The following CSMD1 variants were observed in gnomAD, a reference collection of about 807,000 sequenced individuals.
The protein encoded by CSMD1 is CUB and Sushi multiple domains 1.
In CSMD1, 213 loss-of-function variants were observed where a neutral mutation model predicts 417.5. The ratio of observed to expected loss-of-function variants is 0.51; its 90% CI spans 0.46 to 0.57. The LOEUF is 0.57. Ranked by LOEUF, CSMD1 falls within the 20% of genes least tolerant of loss-of-function variation. CSMD1 has a pLI of 0.00. For synonymous variants in CSMD1, 2,862 were observed against 1,736.8 expected, an observed-to-expected ratio of 1.65 and a Z score of -16.11; for missense variants, 6,923 against 4,529.7, an observed-to-expected ratio of 1.53 and a Z score of -15.17.
chr8:3,268,610 C>G (rs924294542), intron 26 of CSMD1, among the ~76,000 whole-genome samples: 1 of 152,020 alleles, frequency 6.6e-6, no homozygotes. Flanking sequence ...TAATGTTTGT[C>G]TTGGTGACTG....
intron 3 of CSMD1, among the ~76,000 whole-genome samples, chr8:4,078,957 T>C (rs1317072097): frequency 4.9e-5 from 7 of 144,114 alleles, no homozygotes; most frequent in Admixed American, 1.4e-4. Context: ...GTTGAAAAGC[T>C]ATCTTCTCTT....
At chr8:4,433,987 A>T (rs540236103) in intron 2 of CSMD1, among the ~76,000 whole-genome samples, 1 of 152,216 alleles carries the variant, frequency 6.6e-6, no homozygotes, top group African/African-American at 2.4e-5. Context: ...TTTTCTCTTC[A>T]GCCTCAAGAT....
At chr8:3,352,050 G>A (rs1342628765) in intron 21 of CSMD1, among the ~76,000 whole-genome samples, 1 of 151,858 alleles carries the variant, frequency 6.6e-6, no homozygotes, top group Non-Finnish European at 1.5e-5. Flanking sequence ...TATTTTCCAT[G>A]CTGAACATGA....
intron 26 of CSMD1, among the ~76,000 whole-genome samples, chr8:3,235,978 C>A (rs1297217991): frequency 7.5e-6 from 1 of 132,772 alleles, no homozygotes; most frequent in Non-Finnish European, 1.5e-5. Context: ...AGTGCAGTGG[C>A]ACAATCTCGG....
intron 17 of CSMD1, among the ~76,000 whole-genome samples, chr8:3,394,020 ATATATATATAT>A (rs1811525353): frequency 3.8e-5 from 2 of 52,084 alleles, no homozygotes; most frequent in East Asian, 1.0e-3. Flanking sequence ...AATTATATAT[ATATATATATAT>A]ATATATATAT....
At chr8:4,175,519 G>C (rs1797992778) in intron 3 of CSMD1, among the ~76,000 whole-genome samples, 1 of 151,454 alleles carries the variant, frequency 6.6e-6, no homozygotes, top group Non-Finnish European at 1.5e-5. Context: ...ACAACTGATA[G>C]AAGCCCAATG....
At chr8:4,798,909 A>C (rs1798128489) in intron 1 of CSMD1, among the ~76,000 whole-genome samples, 1 of 152,168 alleles carries the variant, frequency 6.6e-6, no homozygotes, top group Non-Finnish European at 1.5e-5. Context: ...CCAAAGTAAA[A>C]ATTCAGCAAC....
intron 3 of CSMD1, among the ~76,000 whole-genome samples, chr8:4,227,581 C>G (rs935789036): frequency 2.0e-5 from 3 of 152,016 alleles, no homozygotes; most frequent in Non-Finnish European, 4.4e-5. Flanking sequence ...AGAGAAGTCC[C>G]ACAGCCCCCG....
chr8:4,732,220 G>T (rs188274592), intron 1 of CSMD1, among the ~76,000 whole-genome samples: 3 of 152,234 alleles, frequency 2.0e-5, no homozygotes, highest in Admixed American at 1.3e-4. Context: ...CAGACCCCAT[G>T]GGTAGAACTC....
intron 2 of CSMD1, among the ~76,000 whole-genome samples, chr8:4,563,203 C>T (rs573098630): frequency 6.6e-6 from 1 of 152,180 alleles, no homozygotes; most frequent in South Asian, 2.1e-4. Context: ...AGATTGAGAC[C>T]ATCCTGGCTA....
At chr8:3,591,844 TTAGA>T (rs1441454885) in intron 8 of CSMD1, among the ~76,000 whole-genome samples, 10 of 151,818 alleles carry the variant, frequency 6.6e-5, no homozygotes, top group East Asian at 5.8e-4. Flanking sequence ...GGTACATAGA[TTAGA>T]TAGATAAATA....
intron 3 of CSMD1, among the ~76,000 whole-genome samples, chr8:4,091,863 C>G (rs1055125601): frequency 1.3e-5 from 2 of 152,124 alleles, no homozygotes; most frequent in Non-Finnish European, 2.9e-5. Context: ...AGAATTTTAA[C>G]AAAATTAGAC....
chr8:4,417,341 A>G (rs1797000483), intron 3 of CSMD1, among the ~76,000 whole-genome samples: 1 of 152,006 alleles, frequency 6.6e-6, no homozygotes, highest in African/African-American at 2.4e-5. Flanking sequence ...AGCCTATTCC[A>G]AAGTACTGCC....
chr8:3,962,416 A>G (rs74212965), intron 5 of CSMD1, among the ~76,000 whole-genome samples: 3 of 152,164 alleles, frequency 2.0e-5, no homozygotes, highest in Non-Finnish European at 4.4e-5. Flanking sequence ...TTCAAGGTCT[A>G]CCACCCTCAC....
chr8:3,056,390 G>C lies in CSMD1; in HGVS notation c.7475-3743C>G, dbSNP rs1477127509. Among the ~76,000 whole-genome samples the C allele has an allele frequency of 3.3e-5, 5 of 151,994 alleles. No individual in the cohort carries two copies. The South Asian group carries it at 8.3e-4, about 25-fold the overall frequency. ...TGTTTTTTTCTTTTTTTCTTTTTGA[G>C]ACAAGGTCTCGCTGTCACTCAGGCT... On this transcript the variant is annotated intron_variant, in intron 49 of 69. Transcript: ENST00000635120.
intron 40 of CSMD1, among the ~76,000 whole-genome samples, chr8:3,147,835 G>A (rs980620639): frequency 1.2e-4 from 18 of 152,220 alleles, no homozygotes; most frequent in Non-Finnish European, 8.8e-5. Flanking sequence ...AGGCAGAGTA[G>A]TGATAGCAAT....
intron 1 of CSMD1, among the ~76,000 whole-genome samples, chr8:4,673,093 C>A (rs1314936612): frequency 6.6e-6 from 1 of 151,926 alleles, no homozygotes; most frequent in Non-Finnish European, 1.5e-5. Context: ...AAACAACACA[C>A]AAGCATGGTG....
chr8:3,288,715 A>T (rs1310655753), intron 25 of CSMD1, among the ~76,000 whole-genome samples: 2 of 146,624 alleles, frequency 1.4e-5, no homozygotes, highest in Admixed American at 6.7e-5. Flanking sequence ...TCTTGATAGC[A>T]GTTTATCAAT....
chr8:3,723,401 G>A (rs1390769980), intron 6 of CSMD1, among the ~76,000 whole-genome samples: 1 of 152,202 alleles, frequency 6.6e-6, no homozygotes, highest in African/African-American at 2.4e-5. Context: ...TCATAGGACA[G>A]AGAACACATC....
Sources: allele counts gnomAD v4.1 joint callset (sites outside exome capture counted in the v4.1 genomes callset), GRCh38; gene constraint gnomAD v4.1.1; transcripts MANE v1.5; gene names NCBI Gene and HGNC (gene_info 2026-07-23, HGNC 2026-07-21).